The following PIGH variants were observed in gnomAD, a reference collection of about 807,000 sequenced individuals.
The protein encoded by PIGH is phosphatidylinositol N-acetylglucosaminyltransferase subunit H.
PIGH carries 11 observed loss-of-function variants against 20.1 expected under a neutral mutation model. The observed-to-expected ratio is 0.55, with a 90% CI of 0.34 to 0.91. PIGH has a LOEUF of 0.91. PIGH is among the 40% of genes least tolerant of loss of function. The pLI is 0.02. For missense variants in PIGH, 189 were observed against 233.6 expected (o/e 0.81, Z 1.24); for synonymous variants, 72 against 93.1 (o/e 0.77, Z 1.31).
chr14:67,596,223 G>A (rs1033688874), intron 1 of PIGH, among the ~76,000 whole-genome samples: 2 of 150,370 alleles, frequency 1.3e-5, no homozygotes, highest in African/African-American at 4.9e-5. Context: ...CCACCTCCCG[G>A]GTTCAAGTGA....
intron 2 of PIGH, chr14:67,593,391 T>C: frequency 3.8e-6 from 1 of 262,056 alleles, no homozygotes; most frequent in Non-Finnish European, 7.4e-6. Context: ...CTCAGGAGGC[T>C]GAGGTGGGAG....
intron 3 of PIGH, among the ~76,000 whole-genome samples, chr14:67,590,918 CA>C (rs1274509243): frequency 2.0e-5 from 3 of 152,098 alleles, no homozygotes. Context: ...AGTTGTAAAA[CA>C]GCCCTCAAAC....
rs1352629793 is a variant in PIGH, at chr14:67,600,227, A to C, written c.-24T>G. On this transcript the variant is annotated 5_prime_UTR_variant, in exon 1 of 4. Transcript: ENST00000216452. ...ATGACGCCCCCACTCGGCCGCCCGC[A>C]CCGCGCGGCGCTGCACTGCGCTCGC... 4 of 1,544,578 alleles carry C rather than the reference A, an allele frequency of 2.6e-6. No homozygotes were observed. Among genetic ancestry groups the C allele is most frequent in the Admixed American group, 1.9e-5 (1 of 52,628 alleles).
chr14:67,593,330 A>C, intron 2 of PIGH: 1 of 215,790 alleles, frequency 4.6e-6, no homozygotes. Context: ...TCTCTGCAAA[A>C]CATAGAAAAA....
At chr14:67,592,459 T>A in intron 3 of PIGH, 176 bp downstream of exon 3, 1 of 563,904 alleles carries the variant, frequency 1.8e-6, no homozygotes, top group Non-Finnish European at 3.2e-6. Flanking sequence ...AAAATGTGCA[T>A]GAATATTTTT....
At chr14:67,597,501 CAAA>C (rs34780138) in intron 1 of PIGH, among the ~76,000 whole-genome samples, 1 of 139,954 alleles carries the variant, frequency 7.1e-6, no homozygotes, top group Non-Finnish European at 1.6e-5. Flanking sequence ...AAACCTGTCT[CAAA>C]AAAAAAAAAA....
At chr14:67,593,645 A>C in intron 2 of PIGH, 98 bp downstream of exon 2, 1 of 680,180 alleles carries the variant, frequency 1.5e-6, no homozygotes, top group Non-Finnish European at 2.6e-6. Context: ...TTTAAATATA[A>C]GTCTCACTTT....
chr14:67,599,970 T>C, intron 1 of PIGH, 54 bp downstream of exon 1: 2 of 1,459,424 alleles, frequency 1.4e-6, no homozygotes, highest in Non-Finnish European at 1.8e-6. Context: ...CCAAAGACCC[T>C]CCCAAAGCCG....
chr14:67,594,208 A>G (rs960379547), intron 1 of PIGH, among the ~76,000 whole-genome samples: 2 of 152,174 alleles, frequency 1.3e-5, no homozygotes, highest in Admixed American at 6.5e-5. Flanking sequence ...AATCAGCTGA[A>G]CGCAGTAGCT....
intron 2 of PIGH, among the ~76,000 whole-genome samples, chr14:67,593,029 C>T (rs766788939): frequency 3.0e-4 from 45 of 152,204 alleles, no homozygotes; most frequent in Non-Finnish European, 5.7e-4. Context: ...TTAGGTGATC[C>T]GCCTGCCTTG....
chr14:67,595,150 TA>T (rs927511140), intron 1 of PIGH, among the ~76,000 whole-genome samples: 15 of 148,646 alleles, frequency 1.0e-4, no homozygotes, highest in Non-Finnish European at 1.8e-4. Context: ...AAAATAAAAA[TA>T]AAAAAAATAA....
intron 1 of PIGH, among the ~76,000 whole-genome samples, chr14:67,598,167 A>G (rs1299734087): frequency 6.6e-6 from 1 of 152,128 alleles, no homozygotes; most frequent in Non-Finnish European, 1.5e-5. Context: ...GATATTCATT[A>G]CTCTCATAAA....
rs746804729 is a variant in PIGH at position 67,592,721 on chromosome 14, G to A, written c.391-3C>T. The stretch of plus-strand genomic sequence containing the variant: ...CAGAGGTAGTAAATCACCTTCTGCT[G>A]TAAGAAAATAAATCAAATAGCAAAG... On this transcript the variant is annotated splice_region_variant and splice_polypyrimidine_tract_variant and intron_variant, in intron 2 of 3. Transcript: ENST00000216452. 7 of 1,570,272 alleles carry A rather than the reference G, an allele frequency of 4.5e-6. No individual in the cohort carries two copies. The highest frequency in any genetic ancestry group is 1.7e-5 in the Admixed American group (1 of 59,358).
intron 3 of PIGH, among the ~76,000 whole-genome samples, chr14:67,591,075 GAATT>G (rs1237632580): frequency 1.3e-4 from 20 of 151,842 alleles, no homozygotes; most frequent in Non-Finnish European, 2.8e-4. Flanking sequence ...AATATATAAA[GAATT>G]GTTAAAAATA....
chr14:67,600,218 G>C lies in PIGH; in HGVS notation c.-15C>G. The C allele has an allele frequency of 6.4e-7, 1 of 1,557,102 alleles. No individual in the cohort carries two copies. Among genetic ancestry groups the C allele is most frequent in the Non-Finnish European group, 8.7e-7 (1 of 1,152,926 alleles). ...TCATCCTCCATGACGCCCCCACTCG[G>C]CCGCCCGCACCGCGCGGCGCTGCAC... On this transcript the variant is annotated 5_prime_UTR_variant, in exon 1 of 4. Transcript: ENST00000216452.
Position 67,600,146 on chromosome 14 carries a change from G to T in PIGH, c.58C>A (p.Arg20Ser). The T allele has an allele frequency of 1.3e-6, 2 of 1,593,522 alleles. No homozygotes were observed. Among genetic ancestry groups the T allele is most frequent in the East Asian group, 2.3e-5 (1 of 43,646 alleles). Reference protein sequence around the residue: ...ICGGRLALQRRYYSPSCREFC... With the variant: ...ICGGRLALQRSYYSPSCREFC... ...TCCCGGCAGGACGGGGAGTAGTAGC[G>T]GCGCTGCAGCGCCAGGCGGCCGCCG... Residue 20 changes from arginine (R) to serine (S), a missense_variant, in exon 1 of 4, where the codon CGC becomes AGC. Transcript: ENST00000216452.
chr14:67,590,309 G>C, intron 3 of PIGH, 137 bp from the exon 4 acceptor site: 1 of 606,786 alleles, frequency 1.6e-6, no homozygotes, highest in Non-Finnish European at 2.6e-6. Context: ...CTGGAGTGCA[G>C]TGGCGCAATC....
intron 1 of PIGH, among the ~76,000 whole-genome samples, chr14:67,595,115 T>A (rs1410153822): frequency 1.3e-5 from 2 of 151,042 alleles, no homozygotes; most frequent in African/African-American, 4.9e-5. Flanking sequence ...CCAGCCTGGG[T>A]GACAGAGCGA....
At chr14:67,597,998 C>A (rs1055331399) in intron 1 of PIGH, among the ~76,000 whole-genome samples, 1 of 152,158 alleles carries the variant, frequency 6.6e-6, no homozygotes, top group East Asian at 1.9e-4. Context: ...AGGATTTGAT[C>A]CATGTCAGCT....
Sources: allele counts gnomAD v4.1 joint callset (sites outside exome capture counted in the v4.1 genomes callset), GRCh38; gene constraint gnomAD v4.1.1; transcripts MANE v1.5; gene names NCBI Gene and HGNC (gene_info 2026-07-23, HGNC 2026-07-21).